Variants in COG5 observed in about 807,000 individuals in gnomAD.
The protein encoded by COG5 is component of oligomeric golgi complex 5, also known as conserved oligomeric Golgi complex subunit 5.
COG5 carries 86 observed loss-of-function variants against 110.4 expected under a neutral mutation model. The ratio of observed to expected loss-of-function variants is 0.78; its 90% CI spans 0.65 to 0.93. The LOEUF (loss-of-function observed/expected upper bound fraction) is 0.93, where lower values mean the gene tolerates loss of function less well. Ranked by LOEUF, COG5 falls within the 40% of genes least tolerant of loss-of-function variation. The pLI is 0.00. For missense variants in COG5, 1,077 were observed against 987.0 expected, an observed-to-expected ratio of 1.09 and a Z score of -1.22; for synonymous variants, 360 against 334.6, an observed-to-expected ratio of 1.08 and a Z score of -0.83.
intron 5 of COG5, among the ~76,000 whole-genome samples, chr7:107,534,489 A>C (rs1256883867): frequency 1.3e-5 from 2 of 151,004 alleles, no homozygotes; most frequent in Non-Finnish European, 2.9e-5. Flanking sequence ...GCAAATGGAA[A>C]GCAAAAAAAA....
At chr7:107,301,134 T>C (rs1807230710) in intron 11 of COG5, among the ~76,000 whole-genome samples, 1 of 152,160 alleles carries the variant, frequency 6.6e-6, no homozygotes. Context: ...CTGTACCTTA[T>C]ACAAAAATTA....
Position 107,203,622 on chromosome 7 carries a change from A to G in COG5, c.2384T>C (p.Leu795Pro), listed in dbSNP as rs750462856. 1.9e-6 allele frequency: 3 copies of G among 1,612,478 alleles called. No individual in the cohort carries two copies. The African/African-American group carries it at 4.0e-5, about 22-fold the overall frequency. ...TCTCACTGATTGAACATAAGCTTCC[A>G]GGGCTCCCCTGAAAACCAAAATGAA... ...KDRLLLIRGA[L>P]EAYVQSVRSR... The change falls in exon 22 of 22, where the codon CTG becomes CCG. Residue 795 changes from leucine to proline, a missense_variant. Transcript: ENST00000297135.
At chr7:107,206,151 C>T (rs746179962) in intron 21 of COG5, among the ~76,000 whole-genome samples, 7 of 152,148 alleles carry the variant, frequency 4.6e-5, no homozygotes, top group South Asian at 4.1e-4. Flanking sequence ...TTAGTAGAGA[C>T]GGGGTTTCAC....
intron 12 of COG5, among the ~76,000 whole-genome samples, chr7:107,291,195 G>A (rs1806142753): frequency 6.6e-6 from 1 of 151,938 alleles, no homozygotes; most frequent in Admixed American, 6.6e-5. Flanking sequence ...CATAGATGTT[G>A]GTATTCTTAA....
intron 5 of COG5, among the ~76,000 whole-genome samples, chr7:107,535,751 T>A (rs1310155924): frequency 6.6e-6 from 1 of 152,148 alleles, no homozygotes; most frequent in Non-Finnish European, 1.5e-5. Flanking sequence ...GCTGGTACCA[T>A]TCCTTCTAAA....
intron 14 of COG5, among the ~76,000 whole-genome samples, chr7:107,265,503 T>C (rs1803725527): frequency 6.6e-6 from 1 of 152,128 alleles, no homozygotes; most frequent in African/African-American, 2.4e-5. Context: ...CTCAAACTCT[T>C]GGGCTCAAGA....
intron 6 of COG5, among the ~76,000 whole-genome samples, chr7:107,518,447 A>G (rs897790775): frequency 3.9e-5 from 6 of 152,222 alleles, no homozygotes; most frequent in Admixed American, 3.3e-4. Flanking sequence ...TAGGCTCAAA[A>G]TAAGAGGATA....
rs916390835 is a variant in COG5, at chr7:107,281,348, T to A, written c.1527A>T (p.Lys509Asn). ...VDTNLTLAVS[K>N]NVAKTIQLYS... ...ATAACTGGATGGTCTTTGCCACATT[T>A]TTTGACACAGCTAATGTGAGGTTTG... The change falls in exon 14 of 22, where the codon AAA becomes AAT. Residue 509 changes from lysine to asparagine, a missense_variant. Coordinates refer to ENST00000297135, the MANE Select transcript of COG5 (RefSeq NM_006348.5). 1.2e-6 allele frequency: 2 copies of A among 1,613,592 alleles called. No individual in the cohort carries two copies. The highest frequency in any genetic ancestry group is 1.7e-6 in the Non-Finnish European group (2 of 1,179,634).
chr7:107,382,975 C>A (rs906678014), intron 7 of COG5, among the ~76,000 whole-genome samples: 1 of 152,126 alleles, frequency 6.6e-6, no homozygotes, highest in Non-Finnish European at 1.5e-5. Context: ...ATGTAAAAAT[C>A]TGGATCAATT....
chr7:107,246,424 G>A (rs1802064379), intron 17 of COG5, among the ~76,000 whole-genome samples: 3 of 152,046 alleles, frequency 2.0e-5, no homozygotes, highest in Admixed American at 2.0e-4. Flanking sequence ...AGAGTAAACA[G>A]ACAATCTACA....
chr7:107,370,781 T>TAA (rs71314692), intron 8 of COG5, among the ~76,000 whole-genome samples: 84 of 101,516 alleles, frequency 8.3e-4, no homozygotes, highest in East Asian at 4.9e-3. Flanking sequence ...AAACTCCAGC[T>TAA]AAAAAAAAAA....
At chr7:107,287,280 C>A (rs1332809193) in intron 12 of COG5, among the ~76,000 whole-genome samples, 1 of 152,144 alleles carries the variant, frequency 6.6e-6, no homozygotes, top group Non-Finnish European at 1.5e-5. Context: ...GTGTGTCAGG[C>A]AAATGTTCTT....
intron 6 of COG5, among the ~76,000 whole-genome samples, chr7:107,457,192 C>A (rs1297154095): frequency 6.9e-6 from 1 of 144,742 alleles, no homozygotes. Context: ...GAAATTGTAA[C>A]TATAGAAATT....
At chr7:107,443,667 A>T (rs1038214966) in intron 6 of COG5, among the ~76,000 whole-genome samples, 1 of 152,068 alleles carries the variant, frequency 6.6e-6, no homozygotes, top group South Asian at 2.1e-4. Flanking sequence ...GCCCAGAAAT[A>T]TTTTTTTTGT....
At chr7:107,280,289 G>C (rs145374528) in intron 14 of COG5, among the ~76,000 whole-genome samples, 29 of 152,064 alleles carry the variant, frequency 1.9e-4, no homozygotes, top group African/African-American at 7.0e-4. Flanking sequence ...AAGATCAATT[G>C]AATGAAAATA....
intron 5 of COG5, among the ~76,000 whole-genome samples, chr7:107,537,270 C>A (rs182221644): frequency 1.1e-4 from 16 of 152,298 alleles, no homozygotes; most frequent in Admixed American, 4.6e-4. Flanking sequence ...AATCATTCTA[C>A]TATAAAGATA....
chr7:107,527,527 C>T (rs1437437585), intron 5 of COG5, among the ~76,000 whole-genome samples, 170 bp from the exon 6 acceptor site: 2 of 152,108 alleles, frequency 1.3e-5, no homozygotes, highest in Admixed American at 6.6e-5. Context: ...ACAAAAAAAA[C>T]ACAGTGGCTC....
chr7:107,343,215 T>C (rs1584703462), intron 10 of COG5, among the ~76,000 whole-genome samples: 1 of 152,124 alleles, frequency 6.6e-6, no homozygotes, highest in Non-Finnish European at 1.5e-5. Context: ...TCGGGTCTAC[T>C]AGAGGAGGCA....
intron 6 of COG5, among the ~76,000 whole-genome samples, chr7:107,500,835 A>C (rs1360821599): frequency 6.6e-6 from 1 of 151,920 alleles, no homozygotes; most frequent in East Asian, 1.9e-4. Context: ...ATTTTACTGA[A>C]TATGTTTCTG....
Sources: gnomAD v4.1 joint callset for allele counts (sites outside exome capture counted in the v4.1 genomes callset) on GRCh38, gnomAD v4.1.1 for gene constraint, MANE v1.5 for transcripts, NCBI Gene and HGNC (gene_info 2026-07-23, HGNC 2026-07-21) for gene names.